DIAPH3: variants seen among roughly 807,000 people sequenced by gnomAD.
DIAPH3 encodes protein diaphanous homolog 3.
Under a neutral mutation model 144.3 loss-of-function variants are expected in DIAPH3, and 117 were observed. The ratio of observed to expected loss-of-function variants is 0.81; its 90% CI spans 0.70 to 0.95. The LOEUF is 0.95. Ranked by LOEUF, DIAPH3 falls within the 40% of genes least tolerant of loss-of-function variation. The pLI, the probability that DIAPH3 is intolerant of heterozygous loss-of-function variation, is 0.00. For synonymous variants in DIAPH3, 519 were observed against 488.9 expected (o/e 1.06, Z -0.81); for missense variants, 1,421 against 1,412.7 (o/e 1.01, Z -0.09).
intron 27 of DIAPH3, among the ~76,000 whole-genome samples, chr13:59,673,737 T>C (rs542482372): frequency 1.3e-5 from 2 of 152,252 alleles, no homozygotes; most frequent in Admixed American, 1.3e-4. Flanking sequence ...TTCAACTAAT[T>C]GTGCCTAAGT....
chr13:60,110,788 C>T (rs1394015762), intron 3 of DIAPH3, among the ~76,000 whole-genome samples: 2 of 152,082 alleles, frequency 1.3e-5, no homozygotes, highest in African/African-American at 2.4e-5. Context: ...AGTGATCTGG[C>T]CCAGTTATTT....
Position 59,761,987 on chromosome 13 carries a change from T to TA in DIAPH3, c.3319+12201dup, listed in dbSNP as rs541997885. Among the ~76,000 whole-genome samples the TA allele has an allele frequency of 1.5e-3, 217 of 148,584 alleles. 1 individual carries two copies. The highest frequency in any genetic ancestry group is 2.6e-3 in the Non-Finnish European group (178 of 67,272). On this transcript the variant is annotated intron_variant, in intron 27 of 27. Transcript: ENST00000400324. The stretch of plus-strand genomic sequence containing the variant: ...TTTCTCCAAAGGGCTGCTCAAAACA[T>TA]AGTGTCCCCCATAGCCAAAGAAGAG...
chr13:59,931,072 A>C (rs548311686), intron 17 of DIAPH3, among the ~76,000 whole-genome samples: 25 of 152,270 alleles, frequency 1.6e-4, no homozygotes, highest in Middle Eastern at 3.4e-3. Context: ...GCCTACCTCC[A>C]TATCTGCTCT....
chr13:59,844,594 G>C (rs936373251), intron 22 of DIAPH3, among the ~76,000 whole-genome samples: 3 of 151,824 alleles, frequency 2.0e-5, no homozygotes, highest in African/African-American at 7.3e-5. Context: ...TAATTTACTG[G>C]TGTCTCTGTA....
At chr13:60,086,497 G>A (rs2057752684) in intron 4 of DIAPH3, among the ~76,000 whole-genome samples, 1 of 152,012 alleles carries the variant, frequency 6.6e-6, no homozygotes, top group South Asian at 2.1e-4. Context: ...TCATAAGCAA[G>A]GGCATTGTGT....
At chr13:59,954,118 G>A (rs1354392575) in intron 17 of DIAPH3, among the ~76,000 whole-genome samples, 1 of 152,100 alleles carries the variant, frequency 6.6e-6, no homozygotes, top group Non-Finnish European at 1.5e-5. Context: ...GTTCTCTAAT[G>A]TCTGTGAACA....
intron 27 of DIAPH3, among the ~76,000 whole-genome samples, chr13:59,713,335 A>T (rs957295165): frequency 6.6e-6 from 1 of 152,094 alleles, no homozygotes; most frequent in African/African-American, 2.4e-5. Context: ...TGGGACTAAA[A>T]GCATGTGCTG....
chr13:59,958,247 C>A (rs979293035), intron 17 of DIAPH3, among the ~76,000 whole-genome samples: 2 of 151,914 alleles, frequency 1.3e-5, no homozygotes, highest in Non-Finnish European at 2.9e-5. Flanking sequence ...TATATATATT[C>A]ATATCCATTA....
intron 24 of DIAPH3, among the ~76,000 whole-genome samples, chr13:59,814,729 A>G (rs1484798083): frequency 2.0e-5 from 3 of 152,188 alleles, no homozygotes; most frequent in Admixed American, 6.5e-5. Context: ...ACCTTGTTTT[A>G]TATTTAGTCA....
At chr13:59,980,488 C>T (rs1427529801) in intron 14 of DIAPH3, among the ~76,000 whole-genome samples, 1 of 151,382 alleles carries the variant, frequency 6.6e-6, no homozygotes, top group East Asian at 1.9e-4. Context: ...AAACAAAATG[C>T]CTCAAAGTTT....
At chr13:60,024,061 G>T (rs1383936916) in intron 5 of DIAPH3, among the ~76,000 whole-genome samples, 1 of 150,998 alleles carries the variant, frequency 6.6e-6, no homozygotes, top group Non-Finnish European at 1.5e-5. Context: ...CACCATGTTG[G>T]CCAGGCTGGT....
intron 4 of DIAPH3, among the ~76,000 whole-genome samples, chr13:60,077,362 A>G (rs1040184959): frequency 4.9e-4 from 75 of 152,248 alleles, no homozygotes; most frequent in African/African-American, 1.7e-3. Context: ...TTTGCCAACT[A>G]TAAGATATTC....
chr13:59,955,297 G>T (rs776344011), intron 17 of DIAPH3, among the ~76,000 whole-genome samples: 1 of 151,800 alleles, frequency 6.6e-6, no homozygotes, highest in Non-Finnish European at 1.5e-5. Context: ...TCATGGGGGC[G>T]GGTTTCTCCT....
chr13:59,914,294 T>C (rs1020937032), intron 19 of DIAPH3, among the ~76,000 whole-genome samples: 1 of 152,188 alleles, frequency 6.6e-6, no homozygotes, highest in African/African-American at 2.4e-5. Flanking sequence ...ATGAGGAATA[T>C]ACTTTTAAAA....
At chr13:59,710,398 T>C (rs1383609293) in intron 27 of DIAPH3, among the ~76,000 whole-genome samples, 1 of 151,984 alleles carries the variant, frequency 6.6e-6, no homozygotes, top group Non-Finnish European at 1.5e-5. Context: ...CATTTAAAGT[T>C]AGTTAAAAAA....
At chr13:59,768,331 T>C (rs2037954896) in intron 27 of DIAPH3, among the ~76,000 whole-genome samples, 1 of 152,164 alleles carries the variant, frequency 6.6e-6, no homozygotes, top group Admixed American at 6.5e-5. Context: ...GTTATTTTAA[T>C]ATATTGTTCC....
chr13:59,927,832 T>G (rs987102552), intron 17 of DIAPH3, among the ~76,000 whole-genome samples: 1 of 152,196 alleles, frequency 6.6e-6, no homozygotes, highest in Non-Finnish European at 1.5e-5. Flanking sequence ...CCTTTGCCTT[T>G]TGAAAATATG....
chr13:59,982,670 C>T (rs189720853), intron 13 of DIAPH3, among the ~76,000 whole-genome samples: 25 of 151,686 alleles, frequency 1.6e-4, no homozygotes, highest in Admixed American at 1.3e-3. Context: ...ACTTCTTAAA[C>T]AGTAGTTACA....
chr13:60,032,079 A>G (rs1236076257), intron 5 of DIAPH3, among the ~76,000 whole-genome samples: 1 of 152,188 alleles, frequency 6.6e-6, no homozygotes, highest in Non-Finnish European at 1.5e-5. Flanking sequence ...TGTGTCCCAC[A>G]TCCAGGCCAC....
Sources: allele counts gnomAD v4.1 joint callset (sites outside exome capture counted in the v4.1 genomes callset), GRCh38; gene constraint gnomAD v4.1.1; transcripts MANE v1.5; gene names NCBI Gene and HGNC (gene_info 2026-07-23, HGNC 2026-07-21).